Variants in TMEM278 observed in about 807,000 individuals in gnomAD.
The protein encoded by TMEM278 is transmembrane protein 88B.
chr1:1,426,407 G>A, the TMEM278 span: 77 of 1,355,852 alleles, frequency 5.7e-5, no homozygotes, highest in East Asian at 2.4e-4. Context: ...CCCCGTGGGC[G>A]GGGGACTAGC....
chr1:1,427,764 G>T, the TMEM278 span: 3 of 1,339,192 alleles, frequency 2.2e-6, no homozygotes, highest in African/African-American at 1.6e-5. Flanking sequence ...CGACGAGGAC[G>T]AGCAACTCTG....
chr1:1,428,743 G>C, the TMEM278 span, among the ~76,000 whole-genome samples: 1 of 152,176 alleles, frequency 6.6e-6, no homozygotes, highest in South Asian at 2.1e-4. Context: ...GCTCACGCCT[G>C]TAATCCCAGC....
At chr1:1,427,609 C>T in the TMEM278 span, 139 of 1,312,750 alleles carry the variant, frequency 1.1e-4, no homozygotes, top group Non-Finnish European at 1.2e-4. Context: ...CGCGGCTCCG[C>T]GGCGCTCATC....
At chr1:1,427,568 G>A in the TMEM278 span, 21 of 887,580 alleles carry the variant, frequency 2.4e-5, no homozygotes, top group Non-Finnish European at 2.7e-5. Flanking sequence ...ACCCCGCTCC[G>A]GGTCCCCGGT....
the TMEM278 span, among the ~76,000 whole-genome samples, chr1:1,426,928 T>C: frequency 6.6e-6 from 1 of 151,748 alleles, no homozygotes; most frequent in African/African-American, 2.4e-5. Context: ...GAGCCTCCCC[T>C]CAAGGGACCC....
chr1:1,427,795 G>A, the TMEM278 span: 2 of 1,379,296 alleles, frequency 1.5e-6, no homozygotes, highest in Non-Finnish European at 1.9e-6. Context: ...TGACCCGGCG[G>A]CCGCTGCGAA....
chr1:1,428,318 C>T, the TMEM278 span, among the ~76,000 whole-genome samples: 3 of 151,788 alleles, frequency 2.0e-5, no homozygotes, highest in Non-Finnish European at 4.4e-5. Flanking sequence ...TCTGGGGCTC[C>T]CAGGGGAGAC....
chr1:1,427,677 C>A, the TMEM278 span: 3 of 1,333,420 alleles, frequency 2.2e-6, no homozygotes, highest in South Asian at 1.9e-5. Flanking sequence ...CGTCCGCGCC[C>A]GCCTAGCCCG....
chr1:1,426,717 ACAGCCCC>A, the TMEM278 span, among the ~76,000 whole-genome samples: 1 of 152,044 alleles, frequency 6.6e-6, no homozygotes, highest in South Asian at 2.1e-4. Context: ...TCACTAACCC[ACAGCCCC>A]CAGCCCCTCC....
chr1:1,426,263 C>G, the TMEM278 span: 7 of 1,492,386 alleles, frequency 4.7e-6, no homozygotes, highest in Non-Finnish European at 6.3e-6. Context: ...GGGGCCCCCG[C>G]TGCTGCCCGG....
chr1:1,427,395 CTTCTCCCCCTT>C, the TMEM278 span, among the ~76,000 whole-genome samples: 75 of 35,376 alleles, frequency 2.1e-3, no homozygotes, highest in Non-Finnish European at 2.7e-3. Flanking sequence ...CTGCTCCCCT[CTTCTCCCCCTT>C]CCCTCCATCA....
At chr1:1,426,655 G>C in the TMEM278 span, among the ~76,000 whole-genome samples, 1 of 152,136 alleles carries the variant, frequency 6.6e-6, no homozygotes, top group African/African-American at 2.4e-5. Flanking sequence ...CTGGGTGGGG[G>C]TGGGGAGAGA....
the TMEM278 span, among the ~76,000 whole-genome samples, chr1:1,426,676 A>T: frequency 1.3e-5 from 2 of 152,222 alleles, no homozygotes; most frequent in South Asian, 2.1e-4. Context: ...ACGGGGTTCC[A>T]GGAAAAGAAG....
At chr1:1,426,482 C>T in the TMEM278 span, 1 of 1,075,526 alleles carries the variant, frequency 9.3e-7, no homozygotes, top group South Asian at 2.4e-5. Context: ...AGAATTGCCC[C>T]TTGTCCTCAG....
the TMEM278 span, among the ~76,000 whole-genome samples, chr1:1,428,189 A>G: frequency 9.8e-6 from 1 of 101,910 alleles, no homozygotes; most frequent in African/African-American, 3.8e-5. Flanking sequence ...GGAGGGGAAG[A>G]GAGGGGAGGG....
At chr1:1,426,196 G>A in the TMEM278 span, 1 of 1,417,148 alleles carries the variant, frequency 7.1e-7, no homozygotes, top group Non-Finnish European at 9.3e-7. Flanking sequence ...CAGCGCCCAT[G>A]CTGCCCCGGG....
At chr1:1,428,299 G>T in the TMEM278 span, among the ~76,000 whole-genome samples, 2 of 151,824 alleles carry the variant, frequency 1.3e-5, no homozygotes, top group Non-Finnish European at 2.9e-5. Context: ...GGCCTCCATC[G>T]TCCAGGGCTC....
the TMEM278 span, among the ~76,000 whole-genome samples, chr1:1,430,046 C>T: frequency 9.9e-5 from 15 of 152,226 alleles, no homozygotes; most frequent in Admixed American, 7.9e-4. Context: ...TTTGTAGAGA[C>T]GGGGTCTCAT....
chr1:1,428,437 CT>C, the TMEM278 span, among the ~76,000 whole-genome samples: 1 of 152,130 alleles, frequency 6.6e-6, no homozygotes, highest in South Asian at 2.1e-4. Context: ...GGTCGGCTCT[CT>C]CCGGGAGACA....
Sources: gnomAD v4.1 joint callset for allele counts (sites outside exome capture counted in the v4.1 genomes callset) on GRCh38, gnomAD v4.1.1 for gene constraint, MANE v1.5 for transcripts, NCBI Gene and HGNC (gene_info 2026-07-23, HGNC 2026-07-21) for gene names.